The following CDK19 variants were observed in gnomAD, a reference collection of about 807,000 sequenced individuals.
CDK19 encodes cyclin dependent kinase 19.
CDK19 carries 20 observed loss-of-function variants against 68.3 expected under a neutral mutation model. That is an observed-to-expected ratio of 0.29 (90% CI 0.21 to 0.43). The LOEUF (loss-of-function observed/expected upper bound fraction) is 0.43, where lower values mean the gene tolerates loss of function less well. CDK19 is among the 20% of genes least tolerant of loss of function. The pLI is 1.00. For missense variants in CDK19, 339 were observed against 623.5 expected, an observed-to-expected ratio of 0.54 and a Z score of 4.86; for synonymous variants, 221 against 222.8, an observed-to-expected ratio of 0.99 and a Z score of 0.07.
intron 1 of CDK19, among the ~76,000 whole-genome samples, chr6:110,773,476 T>C (rs1780184831): frequency 2.0e-5 from 3 of 152,296 alleles, no homozygotes; most frequent in South Asian, 2.1e-4. Flanking sequence ...TGCCCCTCTA[T>C]TGTGAAGCAA....
At chr6:110,695,989 A>G (rs1773446880) in intron 2 of CDK19, among the ~76,000 whole-genome samples, 1 of 152,198 alleles carries the variant, frequency 6.6e-6, no homozygotes. Context: ...TCGTCCCTAA[A>G]TCATTCTATG....
intron 1 of CDK19, among the ~76,000 whole-genome samples, chr6:110,763,501 C>T (rs778000400): frequency 2.0e-5 from 3 of 150,508 alleles, no homozygotes; most frequent in East Asian, 2.0e-4. Flanking sequence ...CTGCAGCCTC[C>T]GCCTCCCAGG....
chr6:110,755,502 A>G (rs1478190666), intron 1 of CDK19, among the ~76,000 whole-genome samples: 1 of 152,222 alleles, frequency 6.6e-6, no homozygotes, highest in East Asian at 1.9e-4. Flanking sequence ...CAATTTTCAA[A>G]GGAACATTTG....
chr6:110,714,005 G>A (rs955843851), intron 2 of CDK19, among the ~76,000 whole-genome samples: 13 of 152,092 alleles, frequency 8.5e-5, no homozygotes, highest in Admixed American at 5.2e-4. Context: ...TATTCCCAAC[G>A]TTGTGTAAGA....
chr6:110,733,727 G>A (rs982437766), intron 2 of CDK19, among the ~76,000 whole-genome samples: 11 of 151,776 alleles, frequency 7.2e-5, no homozygotes, highest in Admixed American at 3.3e-4. Flanking sequence ...AAAAAACATA[G>A]CAGAGATTAT....
intron 2 of CDK19, among the ~76,000 whole-genome samples, chr6:110,724,576 G>A (rs1200170586): frequency 2.0e-5 from 3 of 152,100 alleles, no homozygotes; most frequent in Non-Finnish European, 4.4e-5. Flanking sequence ...TTTAGGATAG[G>A]CTGGCAGAGA....
intron 1 of CDK19, among the ~76,000 whole-genome samples, chr6:110,765,449 C>T (rs1346576800): frequency 4.6e-5 from 7 of 151,674 alleles, no homozygotes; most frequent in South Asian, 2.1e-4. Flanking sequence ...GAGGCCGAGG[C>T]GGGTGGATCA....
chr6:110,746,106 C>A lies in CDK19; in HGVS notation c.204+20G>T, dbSNP rs752615032. On this transcript the variant is annotated intron_variant, in intron 2 of 12. Transcript: ENST00000368911. ...CCAATATCAATAATAAAATAAATAA[C>A]TGTATTTGTATCCACTTACTGCAAT... 1.4e-6 allele frequency: 2 copies of A among 1,379,742 alleles called. No individual in the cohort carries two copies. Among genetic ancestry groups the A allele is most frequent in the South Asian group, 1.4e-5 (1 of 73,234 alleles). 85.5% of individuals were successfully genotyped at this position (1,379,742 alleles called of 1,614,324 possible).
intron 4 of CDK19, chr6:110,645,891 G>T (rs1582765464): frequency 2.6e-6 from 2 of 771,392 alleles, no homozygotes; most frequent in South Asian, 3.0e-5. Flanking sequence ...AAACAGCGGC[G>T]ACTCAGTCCT....
chr6:110,764,392 T>G (rs1779430298), intron 1 of CDK19, among the ~76,000 whole-genome samples: 1 of 152,176 alleles, frequency 6.6e-6, no homozygotes, highest in African/African-American at 2.4e-5. Context: ...AGTGTGATAT[T>G]GGTGACAGAA....
intron 8 of CDK19, among the ~76,000 whole-genome samples, chr6:110,625,885 G>A (rs1779060480): frequency 6.6e-6 from 1 of 152,164 alleles, no homozygotes; most frequent in South Asian, 2.1e-4. Flanking sequence ...ATCCTGTCCT[G>A]AAATTTTCCT....
chr6:110,775,957 C>T (rs868032257), intron 1 of CDK19, among the ~76,000 whole-genome samples: 1 of 152,308 alleles, frequency 6.6e-6, no homozygotes, highest in Middle Eastern at 3.4e-3. Flanking sequence ...CACTTAATCC[C>T]TCAGTATAAC....
intron 1 of CDK19, among the ~76,000 whole-genome samples, chr6:110,810,391 G>A (rs1470246123): frequency 1.3e-5 from 2 of 152,130 alleles, no homozygotes; most frequent in Non-Finnish European, 2.9e-5. Flanking sequence ...TTGGATCTTG[G>A]ACTATAGTGA....
chr6:110,743,026 C>A (rs1422732268), intron 2 of CDK19, among the ~76,000 whole-genome samples: 1 of 152,144 alleles, frequency 6.6e-6, no homozygotes, highest in Non-Finnish European at 1.5e-5. Context: ...GATGTTACCC[C>A]CGGAGGCCCA....
intron 2 of CDK19, among the ~76,000 whole-genome samples, chr6:110,720,816 G>A (rs1173986195): frequency 9.8e-5 from 14 of 143,444 alleles, no homozygotes; most frequent in South Asian, 4.5e-4. Context: ...GCAGTGAGCT[G>A]AGATCACACG....
At chr6:110,690,024 G>A (rs1397088939) in intron 2 of CDK19, among the ~76,000 whole-genome samples, 2 of 152,184 alleles carry the variant, frequency 1.3e-5, no homozygotes, top group Admixed American at 1.3e-4. Context: ...GCAGTGCTGG[G>A]CTCAGTGGGG....
chr6:110,786,402 C>G (rs1003921806), intron 1 of CDK19, among the ~76,000 whole-genome samples: 2 of 152,112 alleles, frequency 1.3e-5, no homozygotes, highest in Non-Finnish European at 2.9e-5. Context: ...CCTTAACTGG[C>G]TCTGTCATAA....
intron 1 of CDK19, among the ~76,000 whole-genome samples, chr6:110,761,984 C>G (rs1392272223): frequency 6.6e-6 from 1 of 152,092 alleles, no homozygotes; most frequent in East Asian, 1.9e-4. Context: ...GGCTTTTGCT[C>G]CCTCAATTAC....
chr6:110,761,494 T>C (rs948971185), intron 1 of CDK19, among the ~76,000 whole-genome samples: 2 of 152,178 alleles, frequency 1.3e-5, no homozygotes, highest in South Asian at 2.1e-4. Context: ...CAATGGGTGA[T>C]GGTGATACCA....
Sources: gnomAD v4.1 joint callset for allele counts (sites outside exome capture counted in the v4.1 genomes callset) on GRCh38, gnomAD v4.1.1 for gene constraint, MANE v1.5 for transcripts, NCBI Gene and HGNC (gene_info 2026-07-23, HGNC 2026-07-21) for gene names.